The following LOXL2 variants were observed in gnomAD, a reference collection of about 807,000 sequenced individuals.
The protein encoded by LOXL2 is lysyl oxidase like 2.
In LOXL2, 70 loss-of-function variants were observed where a neutral mutation model predicts 93.0. That is an observed-to-expected ratio of 0.75 (90% CI 0.62 to 0.92). The LOEUF (loss-of-function observed/expected upper bound fraction) is 0.92, where lower values mean the gene tolerates loss of function less well. Among genes scored for constraint, LOXL2 ranks in the 40% least tolerant of loss-of-function variants. The pLI is 0.00. For missense variants in LOXL2, 973 were observed against 1,054.9 expected, an observed-to-expected ratio of 0.92 and a Z score of 1.08; for synonymous variants, 438 against 413.2, an observed-to-expected ratio of 1.06 and a Z score of -0.73.
At chr8:23,307,953 G>GAAAAAAAAAAAA (rs1554475672) in intron 10 of LOXL2, among the ~76,000 whole-genome samples, 2 of 83,556 alleles carry the variant, frequency 2.4e-5, no homozygotes, top group East Asian at 4.6e-4. Flanking sequence ...GCTGCGATAT[G>GAAAAAAAAAAAA]AAAAAAAAAA....
intron 1 of LOXL2, among the ~76,000 whole-genome samples, chr8:23,379,413 T>C (rs1804642425): frequency 6.6e-6 from 1 of 152,176 alleles, no homozygotes; most frequent in South Asian, 2.1e-4. Context: ...AGTCTTCCTG[T>C]TCTCAGATCT....
chr8:23,298,130 G>A lies in LOXL2; in HGVS notation c.2246-8C>T, dbSNP rs901332924. The A allele has an allele frequency of 1.2e-6, 2 of 1,610,100 alleles. No homozygotes were observed. Among genetic ancestry groups the A allele is most frequent in the South Asian group, 1.1e-5 (1 of 90,922 alleles). ...CTTCGCTGAAGGAACCACCTGAAGA[G>A]CGAGAATCGGGTAGAGAGAGTGGAC... On this transcript the variant is annotated splice_region_variant and splice_polypyrimidine_tract_variant and intron_variant, in intron 13 of 13. Transcript: ENST00000389131.
intron 9 of LOXL2, among the ~76,000 whole-genome samples, chr8:23,311,446 T>A (rs1290186165): frequency 1.3e-5 from 2 of 152,240 alleles, no homozygotes; most frequent in African/African-American, 4.8e-5. Flanking sequence ...CGCTTATTTT[T>A]ATGAGGGTGT....
At chr8:23,339,723 A>G (rs1803849692) in intron 4 of LOXL2, among the ~76,000 whole-genome samples, 1 of 152,162 alleles carries the variant, frequency 6.6e-6, no homozygotes, top group African/African-American at 2.4e-5. Flanking sequence ...GGAGTTCTCC[A>G]AAGTATTCAG....
chr8:23,368,142 G>T lies in LOXL2; in HGVS notation c.210C>A (p.Gly70=). ...LAGQKRKHSE[G]RVEVYYDGQW... is the part of the protein sequence containing the mutation. ...GGCCATCATAGTACACCTCCACCCGGCCCTCGCTGTGCTTCCTCTTCTGCC... is the reference window on the plus strand; with the variant it reads ...GGCCATCATAGTACACCTCCACCCGTCCCTCGCTGTGCTTCCTCTTCTGCC... Residue 70 remains glycine (G), a synonymous_variant, in exon 2 of 14, where the codon GGC becomes GGA. Transcript: ENST00000389131. 6.2e-7 allele frequency: 1 copy of T among 1,614,080 alleles called. No homozygotes were observed.
intron 1 of LOXL2, among the ~76,000 whole-genome samples, chr8:23,378,852 T>C (rs1804631356): frequency 6.6e-6 from 1 of 152,228 alleles, no homozygotes; most frequent in African/African-American, 2.4e-5. Flanking sequence ...TAATCTTTTT[T>C]CAAGGTTTTT....
chr8:23,364,839 C>G (rs1804372207), intron 2 of LOXL2: 1 of 152,122 alleles, frequency 6.6e-6, no homozygotes, highest in South Asian at 2.1e-4. Context: ...AAGACTCTGT[C>G]TCAAAGAAAA....
At chr8:23,366,368 C>T (rs774272537) in intron 2 of LOXL2, among the ~76,000 whole-genome samples, 10 of 152,228 alleles carry the variant, frequency 6.6e-5, no homozygotes, top group Non-Finnish European at 1.5e-4. Context: ...TGTGCTGTCT[C>T]CTGATCCAGT....
At chr8:23,363,227 AG>A (rs1431343114) in intron 2 of LOXL2, 1 of 152,240 alleles carries the variant, frequency 6.6e-6, no homozygotes, top group Non-Finnish European at 1.5e-5. Flanking sequence ...AAAGAAACGG[AG>A]GCTCTTCAAG....
rs140593274 is a variant in LOXL2 at position 23,326,260 on chromosome 8, A to T, written c.1150+2122T>A. 6.7e-4 allele frequency among the ~76,000 whole-genome samples: 102 copies of T among 152,306 alleles called. No individual in the cohort carries two copies. The East Asian group carries it at 0.016, about 24-fold the overall frequency. On this transcript the variant is annotated intron_variant, in intron 6 of 13. Coordinates refer to ENST00000389131, the MANE Select transcript of LOXL2 (RefSeq NM_002318.3). Reference sequence around the variant, plus strand: ...AATGCCAAATGCCTCTTTCTCCCAGAGTTCTGCAGGCCCCTGGAAACCTCT... The same window carrying T: ...AATGCCAAATGCCTCTTTCTCCCAGTGTTCTGCAGGCCCCTGGAAACCTCT...
chr8:23,352,960 G>T (rs1244737380), intron 3 of LOXL2, among the ~76,000 whole-genome samples: 1 of 131,306 alleles, frequency 7.6e-6, no homozygotes, highest in Non-Finnish European at 1.6e-5. Context: ...ATTGCTTTTT[G>T]CAAAAGAGCC....
At position 23,296,934 on chromosome 8, in the gene LOXL2, T is replaced by G. The variant is rs989255614; in HGVS notation, c.*1109A>C. Among the ~76,000 whole-genome samples, 1 of 152,156 alleles carries G rather than the reference T, an allele frequency of 6.6e-6. No homozygotes were observed. The highest frequency in any genetic ancestry group is 1.5e-5 in the Non-Finnish European group (1 of 68,028). On this transcript the variant is annotated 3_prime_UTR_variant, in exon 14 of 14. Transcript: ENST00000389131. Reference sequence around the variant, plus strand: ...AAAACCACAGGAGTTCAAGAAAGATTATGACTCCTGTTCCGTTACTTTTTG... The same window carrying G: ...AAAACCACAGGAGTTCAAGAAAGATGATGACTCCTGTTCCGTTACTTTTTG...
intron 3 of LOXL2, among the ~76,000 whole-genome samples, chr8:23,343,253 A>ACCAGGG (rs1366874795): frequency 2.0e-5 from 3 of 152,238 alleles, no homozygotes; most frequent in Non-Finnish European, 4.4e-5. Flanking sequence ...CAAAGCATGC[A>ACCAGGG]CCAGGTACCC....
rs560196062 is a variant in LOXL2 at position 23,319,902 on chromosome 8, C to A, written c.1453G>T (p.Ala485Ser). Residue 485 changes from alanine (A) to serine (S), a missense_variant, in exon 8 of 14, where the codon GCC becomes TCC. Physicochemically the swap from Ala to Ser is moderately conservative, Grantham distance 99 (BLOSUM62 1). Transcript: ENST00000389131. ...CTTCTCACCTGGAAGGCGTTGCTGG[C>A]GAATCCCAGGCCCAGCTGGCGGCAG... ...VVCRQLGLGF[A>S]SNAFQETWYW... 22 of 1,613,646 alleles carry A rather than the reference C, an allele frequency of 1.4e-5. No homozygotes were observed. The South Asian group carries it at 2.0e-4, about 14-fold the overall frequency.
chr8:23,339,749 G>A (rs550711462), intron 4 of LOXL2, among the ~76,000 whole-genome samples: 6 of 152,350 alleles, frequency 3.9e-5, no homozygotes, highest in Admixed American at 1.3e-4. Context: ...GGCGACTCCT[G>A]GTGCCAACAG....
rs921855072 is a variant in LOXL2, at chr8:23,360,189, G to A, written c.432C>T (p.Gly144=). The A allele has an allele frequency of 6.8e-6, 11 of 1,613,924 alleles. No individual in the cohort carries two copies. Among genetic ancestry groups the A allele is most frequent in the Admixed American group, 3.3e-5 (2 of 59,996 alleles). Residue 144 remains glycine (G), a synonymous_variant, in exon 3 of 14, where the codon GGC becomes GGT. Coordinates refer to ENST00000389131, the MANE Select transcript of LOXL2 (RefSeq NM_002318.3). ...CCTCCGTGTGCTTGCAGTCAGTGAC[G>A]CCCCAGCCATTGGAGGTGCATGCTG... ...TLAACTSNGW[G]VTDCKHTEDV... is the part of the protein sequence containing the mutation.
chr8:23,315,367 C>A (rs114578853), intron 9 of LOXL2, among the ~76,000 whole-genome samples: 71 of 152,248 alleles, frequency 4.7e-4, no homozygotes, highest in East Asian at 2.7e-3. Flanking sequence ...AATACTCTAA[C>A]GTGCATTTAG....
At position 23,308,992 on chromosome 8, in the gene LOXL2, T is replaced by TA. The variant is rs1563185676; in HGVS notation, c.1880+675_1880+676insT. ...GTGGAATATATATATATATATATAT[T>TA]TTTTTTTTTTGAGACAGAGCCTGGC... On this transcript the variant is annotated intron_variant, in intron 10 of 13. Transcript: ENST00000389131. Among the ~76,000 whole-genome samples, 401 of 144,818 alleles carry TA rather than the reference T, an allele frequency of 2.8e-3. 1 individual carries two copies. The highest frequency in any genetic ancestry group is 9.6e-3 in the African/African-American group (372 of 38,854).
chr8:23,313,565 A>G (rs1803348900), intron 9 of LOXL2, among the ~76,000 whole-genome samples: 1 of 152,176 alleles, frequency 6.6e-6, no homozygotes, highest in South Asian at 2.1e-4. Flanking sequence ...CCTATTTAAT[A>G]AATGGTGCTG....
Sources: gnomAD v4.1 joint callset for allele counts (sites outside exome capture counted in the v4.1 genomes callset) on GRCh38, gnomAD v4.1.1 for gene constraint, MANE v1.5 for transcripts, NCBI Gene and HGNC (gene_info 2026-07-23, HGNC 2026-07-21) for gene names.